The following CMIP variants were observed in gnomAD, a reference collection of about 807,000 sequenced individuals.
CMIP encodes the protein C-Maf-inducing protein.
A neutral mutation model predicts 97.3 loss-of-function variants in CMIP; 13 were observed. The ratio of observed to expected loss-of-function variants is 0.13; its 90% CI spans 0.09 to 0.21. The LOEUF (loss-of-function observed/expected upper bound fraction) is 0.21. Among genes scored for constraint, CMIP ranks in the 10% least tolerant of loss-of-function variants. The probability of loss-of-function intolerance (pLI) is 1.00; values close to 1 mark genes in which losing one functional copy is unlikely to be tolerated. For synonymous variants in CMIP, 538 were observed against 436.3 expected (o/e 1.23, Z -2.91); for missense variants, 847 against 1,024.9 (o/e 0.83, Z 2.37).
intron 1 of CMIP, among the ~76,000 whole-genome samples, chr16:81,583,303 C>A (rs1361859501): frequency 6.6e-6 from 1 of 152,244 alleles, no homozygotes; most frequent in African/African-American, 2.4e-5. Flanking sequence ...CACTTCCCCC[C>A]GGGGTCGGGG....
intron 1 of CMIP, among the ~76,000 whole-genome samples, chr16:81,469,902 T>C (rs911784957): frequency 6.6e-6 from 1 of 152,168 alleles, no homozygotes; most frequent in African/African-American, 2.4e-5. Context: ...AGGAGGGCCT[T>C]CTTTGGGGTC....
intron 1 of CMIP, among the ~76,000 whole-genome samples, chr16:81,468,537 A>G (rs942092085): frequency 2.0e-4 from 30 of 152,224 alleles, no homozygotes; most frequent in African/African-American, 7.2e-4. Context: ...GTGCTTTCAG[A>G]GTGTTCTCTC....
intron 1 of CMIP, among the ~76,000 whole-genome samples, chr16:81,458,078 G>A (rs1906672410): frequency 6.6e-6 from 1 of 152,190 alleles, no homozygotes; most frequent in African/African-American, 2.4e-5. Flanking sequence ...TTTGGCGTAA[G>A]GAAAAATGAC....
At chr16:81,579,152 C>T (rs1219652169) in intron 1 of CMIP, among the ~76,000 whole-genome samples, 1 of 152,112 alleles carries the variant, frequency 6.6e-6, no homozygotes, top group African/African-American at 2.4e-5. Context: ...GGGGATGGCA[C>T]CCCCCTGCCT....
chr16:81,532,386 A>G (rs904015373), intron 1 of CMIP, among the ~76,000 whole-genome samples: 3 of 152,244 alleles, frequency 2.0e-5, no homozygotes, highest in Admixed American at 6.5e-5. Flanking sequence ...AAGATTGACT[A>G]TCACTAATTT....
intron 1 of CMIP, among the ~76,000 whole-genome samples, chr16:81,583,996 A>G (rs772539267): frequency 1.1e-4 from 17 of 152,198 alleles, no homozygotes; most frequent in Non-Finnish European, 1.6e-4. Flanking sequence ...CAGAGGTAGG[A>G]TAGAGGGCAA....
At chr16:81,681,293 G>T (rs1251442773) in intron 10 of CMIP, among the ~76,000 whole-genome samples, 2 of 152,218 alleles carry the variant, frequency 1.3e-5, no homozygotes, top group Non-Finnish European at 2.9e-5. Context: ...CTCATTGGAG[G>T]CTTCAAACTG....
At chr16:81,499,766 C>G (rs1341976141) in intron 1 of CMIP, among the ~76,000 whole-genome samples, 1 of 152,258 alleles carries the variant, frequency 6.6e-6, no homozygotes, top group African/African-American at 2.4e-5. Flanking sequence ...CCCAGCAGCG[C>G]CCTCTGAATC....
At chr16:81,676,641 ATTGT>A (rs550090001) in intron 9 of CMIP, among the ~76,000 whole-genome samples, 198 of 152,274 alleles carry the variant, frequency 1.3e-3, no homozygotes, top group African/African-American at 4.7e-3. Context: ...TAGCCGATGG[ATTGT>A]TTATTTCCCC....
chr16:81,660,483 C>T (rs999430294), intron 5 of CMIP, among the ~76,000 whole-genome samples: 7 of 152,082 alleles, frequency 4.6e-5, no homozygotes, highest in African/African-American at 1.7e-4. Flanking sequence ...CTATGTTGGC[C>T]AGGCTGGTCT....
chr16:81,529,701 G>C (rs955796662), intron 1 of CMIP, among the ~76,000 whole-genome samples: 4 of 152,182 alleles, frequency 2.6e-5, no homozygotes, highest in African/African-American at 9.7e-5. Context: ...TGAGTCTGAG[G>C]AGGAGATGTG....
At chr16:81,571,587 CAAAAAAAAAAAA>C (rs397854647) in intron 1 of CMIP, among the ~76,000 whole-genome samples, 7 of 87,488 alleles carry the variant, frequency 8.0e-5, no homozygotes, top group African/African-American at 1.4e-4. Context: ...TCATCTCTAC[CAAAAAAAAAAAA>C]AAAAAAAAAA....
At chr16:81,599,238 A>G (rs1388285809) in intron 1 of CMIP, among the ~76,000 whole-genome samples, 3 of 152,074 alleles carry the variant, frequency 2.0e-5, no homozygotes, top group Non-Finnish European at 4.4e-5. Flanking sequence ...CCCCGGGGCA[A>G]GGAGAGGTCA....
intron 1 of CMIP, among the ~76,000 whole-genome samples, chr16:81,594,918 A>C (rs1306154778): frequency 1.3e-5 from 2 of 151,232 alleles, no homozygotes; most frequent in East Asian, 1.9e-4. Context: ...GGTGTGAGCC[A>C]CCGCGCCCGG....
rs184852344 is a variant in CMIP at position 81,709,776 on chromosome 16, G to A, written c.2299G>A (p.Val767Ile). The stretch of plus-strand genomic sequence containing the variant: ...GCTTCCCAATTTGAAGGAAGTGGAC[G>A]TCCGCTACACCGAAGCCTGGTGAAG... Reference protein sequence around the residue: ...AKLPNLKEVDVRYTEAW With the variant: ...AKLPNLKEVDIRYTEAW Residue 767 changes from valine to isoleucine, a missense_variant, in exon 21 of 21, where the codon GTC becomes ATC. By Grantham distance (29) the Val-to-Ile change is conservative (BLOSUM62 3). Coordinates refer to ENST00000537098, the MANE Select transcript of CMIP (RefSeq NM_198390.3). The A allele has an allele frequency of 1.6e-5, 26 of 1,613,960 alleles. No individual in the cohort carries two copies. Among genetic ancestry groups the A allele is most frequent in the South Asian group, 4.4e-5 (4 of 91,068 alleles).
At chr16:81,598,216 G>A (rs981985972) in intron 1 of CMIP, among the ~76,000 whole-genome samples, 2 of 151,820 alleles carry the variant, frequency 1.3e-5, no homozygotes, top group African/African-American at 2.4e-5. Flanking sequence ...GGAGGGTATC[G>A]CCTACAACAG....
At chr16:81,517,189 A>C (rs1466702308) in intron 1 of CMIP, among the ~76,000 whole-genome samples, 4 of 150,394 alleles carry the variant, frequency 2.7e-5, no homozygotes. Flanking sequence ...CATCAGTGAA[A>C]AATCAGACAG....
chr16:81,581,977 TCAG>T (rs754133306), intron 1 of CMIP, among the ~76,000 whole-genome samples: 1 of 152,164 alleles, frequency 6.6e-6, no homozygotes, highest in Non-Finnish European at 1.5e-5. Context: ...CATGGCAGCA[TCAG>T]CTTCTGGGGA....
intron 1 of CMIP, among the ~76,000 whole-genome samples, chr16:81,568,632 C>G (rs556872342): frequency 6.6e-6 from 1 of 152,206 alleles, no homozygotes; most frequent in Non-Finnish European, 1.5e-5. Context: ...ATTTGTTTCT[C>G]GCTTTCAACC....
Sources: allele counts gnomAD v4.1 joint callset (sites outside exome capture counted in the v4.1 genomes callset), GRCh38; gene constraint gnomAD v4.1.1; transcripts MANE v1.5; gene names NCBI Gene and HGNC (gene_info 2026-07-23, HGNC 2026-07-21).